C1QTNF9: variants seen among roughly 807,000 people sequenced by gnomAD.
C1QTNF9 encodes the protein C1q and TNF related 9, also known as complement C1q and tumor necrosis factor-related protein 9A.
In C1QTNF9, 6 loss-of-function variants were observed where a neutral mutation model predicts 10.1. The ratio of observed to expected loss-of-function variants is 0.59; its 90% confidence interval spans 0.32 to 1.17. The LOEUF is 1.17. C1QTNF9 is among the 50% of genes most tolerant of loss of function. C1QTNF9 has a pLI of 0.04. For synonymous variants in C1QTNF9, 98 were observed against 163.5 expected, an observed-to-expected ratio of 0.60 and a Z score of 3.06; for missense variants, 201 against 418.8, an observed-to-expected ratio of 0.48 and a Z score of 4.54.
At chr13:24,308,267 CG>C (rs1449218442), upstream of C1QTNF9, among the ~76,000 whole-genome samples, 1 of 152,306 alleles carries the variant, frequency 6.6e-6, no homozygotes, top group South Asian at 2.1e-4. Flanking sequence ...GGCAGCGAGA[CG>C]GGTGTCCCCA....
chr13:24,320,383 C>T (rs772031409), intron 3 of C1QTNF9, among the ~76,000 whole-genome samples: 1 of 151,998 alleles, frequency 6.6e-6, no homozygotes, highest in Non-Finnish European at 1.5e-5. Flanking sequence ...AATTGATTTT[C>T]ATTTATTTTT....
At chr13:24,311,179 G>A (rs1386357964) in intron 1 of C1QTNF9, among the ~76,000 whole-genome samples, 1 of 152,158 alleles carries the variant, frequency 6.6e-6, no homozygotes, top group Non-Finnish European at 1.5e-5. Context: ...ATCTTGAGGA[G>A]TGATAACCTT....
At chr13:24,308,650 G>T (rs928280496), upstream of C1QTNF9, among the ~76,000 whole-genome samples, 9 of 152,184 alleles carry the variant, frequency 5.9e-5, no homozygotes, top group Non-Finnish European at 1.0e-4. Flanking sequence ...CTCTGCCCCT[G>T]CTCTGTGCGT....
At chr13:24,320,421 G>A (rs546589607) in intron 3 of C1QTNF9, among the ~76,000 whole-genome samples, 14 of 152,256 alleles carry the variant, frequency 9.2e-5, no homozygotes, top group African/African-American at 2.4e-4. Flanking sequence ...ATCTCACTCT[G>A]TTGCCCAGGC....
At chr13:24,316,733 G>T (rs985722318) in intron 2 of C1QTNF9, among the ~76,000 whole-genome samples, 2 of 152,172 alleles carry the variant, frequency 1.3e-5, no homozygotes, top group African/African-American at 4.8e-5. Flanking sequence ...CCTGTCCCAG[G>T]GTCTGGGGAT....
In C1QTNF9 at chr13:24,321,165, T is replaced by TG. The variant is rs1241630643; in HGVS notation, c.401dup (p.Pro135SerfsTer2). The TG allele has an allele frequency of 1.4e-6, 2 of 1,395,578 alleles. No homozygotes were observed. The highest frequency in any genetic ancestry group is 3.1e-5 in the African/African-American group (2 of 64,674). The allele number at this position is 1,395,578 out of a possible 1,614,324, so 86.4% of individuals were successfully genotyped here. A position where few individuals can be genotyped will look rare whatever the true frequency, so the allele number is the denominator to read the frequency against. On this transcript the variant is annotated frameshift_variant, in exon 4 of 4. Coordinates refer to ENST00000332018, the Ensembl canonical transcript of C1QTNF9. LOFTEE classifies it low-confidence loss of function (END_TRUNC). ...GGAATAAGGGTGACGTGGGTCCCAC[T>TG]GGTCCTGAGGGGCCAAGGGGCAACA...
At chr13:24,312,210 G>A (rs1877853064) in intron 1 of C1QTNF9, among the ~76,000 whole-genome samples, 1 of 152,216 alleles carries the variant, frequency 6.6e-6, no homozygotes, top group African/African-American at 2.4e-5. Context: ...TGCCTGCATT[G>A]ATTCATTCAA....
upstream of C1QTNF9, among the ~76,000 whole-genome samples, chr13:24,309,283 T>TATATATATATATA (rs1566212534): frequency 1.5e-5 from 1 of 68,266 alleles, no homozygotes; most frequent in African/African-American, 4.9e-5. Flanking sequence ...ACTTAAAGTA[T>TATATATATATATA]TATATATATA....
intron 2 of C1QTNF9, among the ~76,000 whole-genome samples, chr13:24,318,607 A>T (rs955929526): frequency 1.3e-5 from 2 of 152,084 alleles, no homozygotes; most frequent in African/African-American, 4.8e-5. Context: ...CACTCAGTTC[A>T]TTTCTTAGGT....
At chr13:24,312,501 G>A (rs1309643484) in intron 1 of C1QTNF9, among the ~76,000 whole-genome samples, 4 of 151,982 alleles carry the variant, frequency 2.6e-5, no homozygotes, top group Non-Finnish European at 5.9e-5. Flanking sequence ...TGAAACTGAG[G>A]GTCCAACCCA....
chr13:24,321,210 T>G, exon 4 of C1QTNF9: 2 of 1,334,364 alleles, frequency 1.5e-6, no homozygotes, highest in Non-Finnish European at 2.0e-6. Flanking sequence ...TGGGCCCAAC[T>G]GGTTTACCGG....
rs1593535957 is a variant in C1QTNF9, at chr13:24,318,889, T to C, written c.229+9T>C. The C allele has an allele frequency of 6.2e-7, 1 of 1,614,156 alleles. No individual in the cohort carries two copies. The highest frequency in any genetic ancestry group is 8.5e-7 in the Non-Finnish European group (1 of 1,179,978). On this transcript the variant is annotated intron_variant, in intron 3 of 3. Transcript: ENST00000332018. ...AGAGAAGGGAGAACGAGGTTAGTAG[T>C]TCCTATTTATGGTGCTCTAATTCTG...
chr13:24,317,254 AGTGT>A (rs10663026), intron 2 of C1QTNF9, among the ~76,000 whole-genome samples: 76 of 125,954 alleles, frequency 6.0e-4, no homozygotes, highest in Admixed American at 1.0e-3. Context: ...GGACCACAGT[AGTGT>A]GTGTGTGTGT....
At chr13:24,312,835 G>A (rs1387522220) in intron 1 of C1QTNF9, among the ~76,000 whole-genome samples, 5 of 151,886 alleles carry the variant, frequency 3.3e-5, no homozygotes, top group South Asian at 4.2e-4. Context: ...GGTGCCTGTA[G>A]TCCCAGCTAC....
upstream of C1QTNF9, among the ~76,000 whole-genome samples, chr13:24,308,565 G>T (rs1252145536): frequency 6.6e-6 from 1 of 152,244 alleles, no homozygotes; most frequent in Non-Finnish European, 1.5e-5. Flanking sequence ...ATTGAGGCAC[G>T]GGGGCGAGTA....
chr13:24,307,534 A>T (rs1022788254), upstream of C1QTNF9, among the ~76,000 whole-genome samples: 1 of 152,250 alleles, frequency 6.6e-6, no homozygotes, highest in African/African-American at 2.4e-5. Flanking sequence ...CTGTGGCTGT[A>T]ATCAGAAAAG....
At position 24,314,308 on chromosome 13, in the gene C1QTNF9, C is replaced by T. The variant is rs116811529; in HGVS notation, c.-22-1674C>T. Among the ~76,000 whole-genome samples the T allele has an allele frequency of 7.8e-3, 1,167 of 150,398 alleles. 22 individuals carry two copies. The highest frequency in any genetic ancestry group is 0.028 in the African/African-American group (1,132 of 40,852). Reference sequence around the variant, plus strand: ...TAATACTAGCACTTTGGGAGACTGGCGGGAGGATTACTTGAGCTCAGGATT... The same window carrying T: ...TAATACTAGCACTTTGGGAGACTGGTGGGAGGATTACTTGAGCTCAGGATT... On this transcript the variant is annotated intron_variant, in intron 1 of 3. Transcript: ENST00000332018.
At chr13:24,316,247 A>G (rs9511196) in intron 2 of C1QTNF9, 78 bp downstream of exon 2, 236,875 of 1,438,648 alleles carry the variant, frequency 0.16, 21,297 homozygotes, top group East Asian at 0.25. Flanking sequence ...CATCTGTGTG[A>G]TTTTCCACCT....
chr13:24,309,873 TA>T (rs1331654788), intron 1 of C1QTNF9, among the ~76,000 whole-genome samples: 2 of 152,130 alleles, frequency 1.3e-5, no homozygotes, highest in African/African-American at 4.8e-5. Context: ...AGAAAAACCA[TA>T]GAATAAGTCA....
Sources: allele counts gnomAD v4.1 joint callset (sites outside exome capture counted in the v4.1 genomes callset), GRCh38; gene constraint gnomAD v4.1.1; transcripts MANE v1.5; gene names NCBI Gene and HGNC (gene_info 2026-07-23, HGNC 2026-07-21).